The following LGSN variants were observed in gnomAD, a reference collection of about 807,000 sequenced individuals.
LGSN encodes the protein lengsin.
In LGSN, 21 loss-of-function variants were observed where a neutral mutation model predicts 19.5. The observed-to-expected ratio is 1.07, with a 90% confidence interval of 0.76 to 1.55. The LOEUF (loss-of-function observed/expected upper bound fraction) is 1.55. LGSN is among the 40% of genes most tolerant of loss of function. The pLI is 0.00. For synonymous variants in LGSN, 257 were observed against 215.6 expected, an observed-to-expected ratio of 1.19 and a Z score of -1.68; for missense variants, 673 against 608.5, an observed-to-expected ratio of 1.11 and a Z score of -1.12.
chr6:63,381,007 G>A, the LGSN span, among the ~76,000 whole-genome samples: 1 of 151,974 alleles, frequency 6.6e-6, no homozygotes, highest in African/African-American at 2.4e-5. Context: ...GATCAGCCTG[G>A]GCAACACGGC....
chr6:63,443,035 G>A, the LGSN span, among the ~76,000 whole-genome samples: 2 of 152,212 alleles, frequency 1.3e-5, no homozygotes, highest in African/African-American at 4.8e-5. Context: ...CCATGTGGGA[G>A]CCCACCGCGT....
chr6:63,450,894 G>A, the LGSN span, among the ~76,000 whole-genome samples: 2 of 152,078 alleles, frequency 1.3e-5, no homozygotes, highest in Non-Finnish European at 1.5e-5. Context: ...GGCTGGTCTC[G>A]AATTCCTGAG....
chr6:63,366,343 C>G, the LGSN span, among the ~76,000 whole-genome samples: 2 of 152,148 alleles, frequency 1.3e-5, no homozygotes, highest in Non-Finnish European at 2.9e-5. Context: ...CTCACAATTG[C>G]TTCAAAGAGA....
the LGSN span, among the ~76,000 whole-genome samples, chr6:63,334,316 C>G: frequency 2.0e-5 from 3 of 152,092 alleles, no homozygotes; most frequent in Admixed American, 6.5e-5. Context: ...TTTCTATACA[C>G]CAATCCTGAA....
At chr6:63,288,649 A>G (rs1767644578) in intron 2 of LGSN, among the ~76,000 whole-genome samples, 1 of 152,212 alleles carries the variant, frequency 6.6e-6, no homozygotes, top group South Asian at 2.1e-4. Flanking sequence ...GCTTACACAG[A>G]AATTTATTTT....
the LGSN span, among the ~76,000 whole-genome samples, chr6:63,486,385 C>A: frequency 2.0e-5 from 3 of 152,178 alleles, no homozygotes; most frequent in Non-Finnish European, 2.9e-5. Context: ...AGTCACACGA[C>A]AGCTGCTAGG....
chr6:63,380,464 T>C, the LGSN span, among the ~76,000 whole-genome samples: 3 of 152,244 alleles, frequency 2.0e-5, no homozygotes, highest in Non-Finnish European at 1.5e-5. Flanking sequence ...ATGTTCAAGC[T>C]GCTCCTTTTT....
chr6:63,495,158 T>A, the LGSN span, among the ~76,000 whole-genome samples: 1 of 152,164 alleles, frequency 6.6e-6, no homozygotes, highest in African/African-American at 2.4e-5. Context: ...AGAAGTTCTA[T>A]AAAACACAGT....
At chr6:63,418,709 T>C in the LGSN span, among the ~76,000 whole-genome samples, 1 of 151,996 alleles carries the variant, frequency 6.6e-6, no homozygotes, top group African/African-American at 2.4e-5. Context: ...ATTCCAGATT[T>C]AGAGCTGAAG....
the LGSN span, among the ~76,000 whole-genome samples, chr6:63,373,318 G>A: frequency 1.3e-5 from 2 of 152,212 alleles, no homozygotes; most frequent in Admixed American, 1.3e-4. Context: ...AGTAACTACA[G>A]TGTGGAGGAA....
At chr6:63,357,924 TG>T in the LGSN span, among the ~76,000 whole-genome samples, 3 of 152,230 alleles carry the variant, frequency 2.0e-5, no homozygotes, top group African/African-American at 7.2e-5. Context: ...ATGTCCTGAA[TG>T]GTAATGCCTA....
chr6:63,369,531 G>A, the LGSN span, among the ~76,000 whole-genome samples: 3 of 152,190 alleles, frequency 2.0e-5, no homozygotes, highest in African/African-American at 7.2e-5. Flanking sequence ...CACCCTAGAG[G>A]TTCTGCTTTG....
In LGSN at chr6:63,280,277, G is replaced by A; in HGVS notation, c.1274C>T (p.Ala425Val). ...NPYLVLAATV[A>V]AGLDGLHSSN... ...GCTATGAAGTCCATCTAAGCCGGCA[G>A]CAACAGTTGCAGCCAGCACCAAGTA... The change falls in exon 4 of 4, where the codon GCT (alanine) becomes GTT (valine). Residue 425 changes from alanine to valine, a missense_variant. By Grantham distance (64) the Ala-to-Val change is moderately conservative. Transcript: ENST00000370657. 2 of 1,614,238 alleles carry A rather than the reference G, an allele frequency of 1.2e-6. No individual in the cohort carries two copies. The highest frequency in any genetic ancestry group is 1.7e-6 in the Non-Finnish European group (2 of 1,180,046).
the LGSN span, among the ~76,000 whole-genome samples, chr6:63,493,951 CTT>C: frequency 9.4e-5 from 13 of 137,800 alleles, no homozygotes; most frequent in Non-Finnish European, 7.8e-5. Context: ...GAAATCATTT[CTT>C]TTTTTTTTTT....
chr6:63,549,314 C>T, the LGSN span: 18 of 752,618 alleles, frequency 2.4e-5, no homozygotes, highest in African/African-American at 2.6e-4. Flanking sequence ...TGGCTCTCTG[C>T]CGCTGCAACC....
At chr6:63,421,360 T>C in the LGSN span, among the ~76,000 whole-genome samples, 1 of 151,146 alleles carries the variant, frequency 6.6e-6, no homozygotes, top group Non-Finnish European at 1.5e-5. Context: ...AGATAGAGGT[T>C]TCAGTGAGCC....
intron 1 of LGSN, among the ~76,000 whole-genome samples, chr6:63,302,324 C>T (rs182913911): frequency 6.6e-6 from 1 of 152,272 alleles, no homozygotes. Flanking sequence ...CATTTTAAGT[C>T]TTATTCACAG....
chr6:63,461,700 G>C, the LGSN span, among the ~76,000 whole-genome samples: 1 of 152,168 alleles, frequency 6.6e-6, no homozygotes, highest in African/African-American at 2.4e-5. Flanking sequence ...GCAAAGGACA[G>C]ATCCCAAATC....
the LGSN span, among the ~76,000 whole-genome samples, chr6:63,368,007 G>C: frequency 6.6e-5 from 10 of 151,156 alleles, no homozygotes; most frequent in African/African-American, 2.2e-4. Flanking sequence ...GAGTTAAGGG[G>C]TACAGCACAC....
Sources: gnomAD v4.1 joint callset for allele counts (sites outside exome capture counted in the v4.1 genomes callset) on GRCh38, gnomAD v4.1.1 for gene constraint, MANE v1.5 for transcripts, NCBI Gene and HGNC (gene_info 2026-07-23, HGNC 2026-07-21) for gene names.